Variants in DCD observed in about 807,000 individuals in gnomAD.
DCD encodes diffusible survival/evasion peptide.
Under a neutral mutation model 14.5 loss-of-function variants are expected in DCD, and 17 were observed. That is an observed-to-expected ratio of 1.18 (90% CI 0.81 to 1.76). The LOEUF is 1.76. Ranked by LOEUF, DCD falls within the 40% of genes most tolerant of loss-of-function variation. The pLI is 0.00. For missense variants in DCD, 139 were observed against 133.4 expected (o/e 1.04, Z -0.21); for synonymous variants, 64 against 54.0 (o/e 1.19, Z -0.82).
chr12:54,645,678 C>G lies in DCD; in HGVS notation c.127G>C (p.Glu43Gln). ...PCHEASAAQK[E>Q]NAGEDPGLAR... Reference sequence around the variant, plus strand: ...AACCCTGGGTCTTCACCTGCATTTTCCTTTTGAGCTGCTGATGCTTCATGG... The same window carrying G: ...AACCCTGGGTCTTCACCTGCATTTTGCTTTTGAGCTGCTGATGCTTCATGG... Residue 43 changes from glutamate to glutamine, a missense_variant, in exon 3 of 5, where the codon GAA (glutamate) becomes CAA (glutamine). Physicochemically the swap from Glu to Gln is conservative, Grantham distance 29. Coordinates refer to ENST00000293371, the MANE Select transcript of DCD (RefSeq NM_053283.4). 6.2e-7 allele frequency: 1 copy of G among 1,614,142 alleles called. No homozygotes were observed. The highest frequency in any genetic ancestry group is 8.5e-7 in the Non-Finnish European group (1 of 1,180,002).
rs767998531 is a variant in DCD, at chr12:54,648,318, G to A, written c.-15C>T. On this transcript the variant is annotated 5_prime_UTR_variant, in exon 1 of 5. Coordinates refer to ENST00000293371, the MANE Select transcript of DCD (RefSeq NM_053283.4). Reference sequence around the variant, plus strand: ...ATGAACCTCATGCTTCTGTGTGCTGGAGTGGGTATGCCACCAAATCCTTGG... The same window carrying A: ...ATGAACCTCATGCTTCTGTGTGCTGAAGTGGGTATGCCACCAAATCCTTGG... 1 of 1,613,882 alleles carries A rather than the reference G, an allele frequency of 6.2e-7. No homozygotes were observed. The highest frequency in any genetic ancestry group is 2.2e-5 in the East Asian group (1 of 44,862).
chr12:54,648,102 TG>T, intron 1 of DCD, 143 bp downstream of exon 1: 1 of 853,472 alleles, frequency 1.2e-6, no homozygotes. Flanking sequence ...AGTCCCTGTG[TG>T]GAGAACCTAG....
chr12:54,644,788 G>A, intron 4 of DCD, 32 bp from the exon 5 acceptor site: 1 of 1,591,476 alleles, frequency 6.3e-7, no homozygotes, highest in Non-Finnish European at 8.6e-7. Flanking sequence ...ATGGGGTAAA[G>A]GGGTAGGAAG....
intron 1 of DCD, among the ~76,000 whole-genome samples, chr12:54,647,800 A>T (rs1185669435): frequency 6.6e-6 from 1 of 152,210 alleles, no homozygotes; most frequent in East Asian, 1.9e-4. Flanking sequence ...GGCCAAAATG[A>T]TTCTGGGGCT....
At chr12:54,645,795 G>C (rs918440275) in intron 2 of DCD, 88 bp from the exon 3 acceptor site, 2 of 1,092,064 alleles carry the variant, frequency 1.8e-6, no homozygotes, top group Non-Finnish European at 2.8e-6. Flanking sequence ...ACCCCCTCAA[G>C]GTCTGGCTTG....
At position 54,645,246 on chromosome 12, in the gene DCD, T is replaced by G. The variant is rs760117030; in HGVS notation, c.216A>C (p.Gly72=). The G allele has an allele frequency of 1.5e-5, 24 of 1,614,080 alleles. No individual in the cohort carries two copies. Among genetic ancestry groups the G allele is most frequent in the Non-Finnish European group, 1.8e-5 (21 of 1,179,988 alleles). The change falls in exon 4 of 5, where the codon GGA becomes GGC. Residue 72 remains glycine, a synonymous_variant. Coordinates refer to ENST00000293371, the MANE Select transcript of DCD (RefSeq NM_053283.4). ...CGAGTCCCCCCACAGCTTTTTTTGCTCCGTCTAGGCCTTTTTCTAGGGTGG... is the reference window on the plus strand; with the variant it reads ...CGAGTCCCCCCACAGCTTTTTTTGCGCCGTCTAGGCCTTTTTCTAGGGTGG... The part of the protein sequence containing the change: ...RSSLLEKGLD[G]AKKAVGGLGK...
chr12:54,644,842 G>T, intron 4 of DCD, 86 bp from the exon 5 acceptor site: 2 of 1,553,066 alleles, frequency 1.3e-6, no homozygotes, highest in South Asian at 1.2e-5. Flanking sequence ...GGAAGGAGAG[G>T]TAGGGGAAGG....
chr12:54,646,593 C>A (rs1261265180), intron 2 of DCD, among the ~76,000 whole-genome samples: 1 of 151,940 alleles, frequency 6.6e-6, no homozygotes, highest in Non-Finnish European at 1.5e-5. Flanking sequence ...GGAAGAGGAA[C>A]GTTGGGTAGT....
rs752653066 is a variant in DCD, at chr12:54,645,183, G to T, written c.279C>A (p.Ser93Arg). 2 of 1,614,012 alleles carry T rather than the reference G, an allele frequency of 1.2e-6. No homozygotes were observed. The highest frequency in any genetic ancestry group is 1.1e-5 in the South Asian group (1 of 91,068). Residue 93 changes from serine to arginine, a missense_variant, in exon 4 of 5, where the codon AGC becomes AGA. Physicochemically the swap from Ser to Arg is moderately radical, Grantham distance 110. Coordinates refer to ENST00000293371, the MANE Select transcript of DCD (RefSeq NM_053283.4). Reference sequence around the variant, plus strand: ...GGGACATATACTCACCTTTACCCACGCTTTCTAGATCTTCGACTGCATCTT... The same window carrying T: ...GGGACATATACTCACCTTTACCCACTCTTTCTAGATCTTCGACTGCATCTT... ...LGKDAVEDLE[S>R]VGKGAVHDVK...
At chr12:54,645,752 T>A in intron 2 of DCD, 45 bp from the exon 3 acceptor site, 1 of 1,541,558 alleles carries the variant, frequency 6.5e-7, no homozygotes, top group South Asian at 1.1e-5. Context: ...ATTTCACTCT[T>A]TCCACCCTGG....
rs1165829844 is a variant in DCD at position 54,647,292 on chromosome 12, G to T, written c.59-133C>A. 1.1e-5 allele frequency: 9 copies of T among 834,370 alleles called. No individual in the cohort carries two copies. The Admixed American group carries it at 2.7e-4, about 25-fold the overall frequency. 51.7% of individuals were successfully genotyped at this position (834,370 alleles called of 1,614,324 possible). ...GTGGACAGACAGGAGAGAAATCTCT[G>T]CTTCACAAGGGGCCCACTAGAAATG... On this transcript the variant is annotated intron_variant, in intron 1 of 4. Transcript: ENST00000293371.
Position 54,645,794 on chromosome 12 carries a change from A to G in DCD, c.98-87T>C, listed in dbSNP as rs977215441. ...AGCAGGTGGTGCTTTTACCCCCTCA[A>G]GGTCTGGCTTGAGGATAGCTCCCTC... On this transcript the variant is annotated intron_variant, in intron 2 of 4. Coordinates refer to ENST00000293371, the MANE Select transcript of DCD (RefSeq NM_053283.4). The G allele has an allele frequency of 8.1e-6, 9 of 1,105,630 alleles. 1 individual carries two copies. The African/African-American group carries it at 1.1e-4, about 13-fold the overall frequency. 68.5% of individuals were successfully genotyped at this position (1,105,630 alleles called of 1,614,324 possible).
chr12:54,645,952 GA>G, intron 2 of DCD: 1 of 537,612 alleles, frequency 1.9e-6, no homozygotes, highest in Non-Finnish European at 3.6e-6. Context: ...ATGGTTCAGG[GA>G]AAAGTAAAGT....
chr12:54,648,134 C>A, intron 1 of DCD, 112 bp downstream of exon 1: 1 of 1,235,532 alleles, frequency 8.1e-7, no homozygotes, highest in Non-Finnish European at 1.2e-6. Flanking sequence ...GAGTGGGCTA[C>A]AGAGACAGAC....
chr12:54,646,131 T>G (rs1169396770), intron 2 of DCD: 1 of 456,678 alleles, frequency 2.2e-6, no homozygotes. Context: ...TCTGTAGCTG[T>G]AAACAATCCA....
At chr12:54,645,103 A>C in intron 4 of DCD, 70 bp downstream of exon 4, 1 of 1,546,016 alleles carries the variant, frequency 6.5e-7, no homozygotes, top group Non-Finnish European at 8.9e-7. Flanking sequence ...GGGCTGTGGC[A>C]GTTTCAGATC....
Position 54,645,905 on chromosome 12 carries a change from T to C in DCD, c.98-198A>G, listed in dbSNP as rs902913833. On this transcript the variant is annotated intron_variant, in intron 2 of 4. Transcript: ENST00000293371. ...GCTTTTTCCTGCTGCCTCCAAGACT[T>C]TTCCTGCTCCTCCAGGGCCCTTTTC... 2.1e-5 allele frequency: 12 copies of C among 585,142 alleles called. No homozygotes were observed. In the African/African-American group the frequency reaches 2.3e-4, roughly 11 times the overall value. The allele number at this position is 585,142 out of a possible 1,614,324, so 36.2% of individuals were successfully genotyped here. A position where few individuals can be genotyped will look rare whatever the true frequency, so the allele number is the denominator to read the frequency against.
At chr12:54,644,787 AG>A in intron 4 of DCD, 31 bp from the exon 5 acceptor site, 7 of 1,591,318 alleles carry the variant, frequency 4.4e-6, no homozygotes, top group Non-Finnish European at 6.0e-6. Flanking sequence ...AATGGGGTAA[AG>A]GGGTAGGAAG....
chr12:54,645,008 T>C lies in DCD; in HGVS notation c.289+165A>G. ...AAAGCAAGTTAGACCCCAGGAAGTA[T>C]CAATATCAGACAAGAATGGCAATTT... On this transcript the variant is annotated intron_variant, in intron 4 of 4. Coordinates refer to ENST00000293371, the MANE Select transcript of DCD (RefSeq NM_053283.4). The C allele has an allele frequency of 2.6e-6, 4 of 1,511,966 alleles. No individual in the cohort carries two copies. In the South Asian group the frequency reaches 4.8e-5, roughly 18 times the overall value. 93.7% of individuals were successfully genotyped at this position (1,511,966 alleles called of 1,614,324 possible).
Sources: gnomAD v4.1 joint callset for allele counts (sites outside exome capture counted in the v4.1 genomes callset) on GRCh38, gnomAD v4.1.1 for gene constraint, MANE v1.5 for transcripts, NCBI Gene and HGNC (gene_info 2026-07-23, HGNC 2026-07-21) for gene names.